Variants in DOCK4 observed in about 807,000 individuals in gnomAD.
DOCK4 encodes the protein dedicator of cytokinesis 4.
A neutral mutation model predicts 268.1 loss-of-function variants in DOCK4; 97 were observed. That is an observed-to-expected ratio of 0.36 (90% CI 0.31 to 0.43). The LOEUF (loss-of-function observed/expected upper bound fraction) is 0.43, where lower values mean the gene tolerates loss of function less well. Ranked by LOEUF, DOCK4 falls within the 20% of genes least tolerant of loss-of-function variation. The pLI, the probability that DOCK4 is intolerant of heterozygous loss-of-function variation, is 1.00. For missense variants in DOCK4, 2,145 were observed against 2,455.7 expected (o/e 0.87, Z 2.67); for synonymous variants, 954 against 887.2 (o/e 1.08, Z -1.34).
At chr7:112,018,163 A>AC (rs1562997088) in intron 1 of DOCK4, among the ~76,000 whole-genome samples, 4 of 141,270 alleles carry the variant, frequency 2.8e-5, no homozygotes, top group African/African-American at 1.1e-4. Flanking sequence ...AAAAAAAAAA[A>AC]AAAAAAAAAA....
At chr7:111,732,344 C>T (rs1384807866) in intron 51 of DOCK4, 57 bp from the exon 52 acceptor site, 1 of 1,563,454 alleles carries the variant, frequency 6.4e-7, no homozygotes, top group East Asian at 2.2e-5. Context: ...GATTGACTAT[C>T]TGCACATGCC....
chr7:112,008,347 C>T (rs148000049), intron 1 of DOCK4, among the ~76,000 whole-genome samples: 15 of 152,282 alleles, frequency 9.9e-5, no homozygotes, highest in African/African-American at 2.9e-4. Flanking sequence ...TATCTGTCAG[C>T]TGAAAACACT....
At chr7:112,160,053 G>A (rs902431181) in intron 1 of DOCK4, among the ~76,000 whole-genome samples, 1 of 151,888 alleles carries the variant, frequency 6.6e-6, no homozygotes, top group African/African-American at 2.4e-5. Context: ...TAAATATAAT[G>A]CAAATATTTA....
At chr7:112,079,523 C>T (rs974887578) in intron 1 of DOCK4, among the ~76,000 whole-genome samples, 2 of 152,080 alleles carry the variant, frequency 1.3e-5, no homozygotes, top group Non-Finnish European at 2.9e-5. Context: ...TTGGCCATAA[C>T]ATATTTCAGG....
chr7:111,973,465 G>A (rs181197799), intron 8 of DOCK4, among the ~76,000 whole-genome samples: 1 of 152,146 alleles, frequency 6.6e-6, no homozygotes, highest in East Asian at 1.9e-4. Flanking sequence ...TGACACATAA[G>A]TTGCAGGAAT....
intron 37 of DOCK4, among the ~76,000 whole-genome samples, chr7:111,769,237 G>C (rs78067374): frequency 0.026 from 3,895 of 152,290 alleles, 150 homozygotes; most frequent in African/African-American, 0.084. Flanking sequence ...GTAATGAAAA[G>C]GTCATGCACA....
chr7:112,206,092 G>A lies in DOCK4; in HGVS notation c.37+10C>T. On this transcript the variant is annotated intron_variant, in intron 1 of 52. Transcript: ENST00000428084. Reference sequence around the variant, plus strand: ...AGAGCAGAATAAAAGTTCGCCCCGCGGAGACTCACCCACGCCGTATTTCTC... The same window carrying A: ...AGAGCAGAATAAAAGTTCGCCCCGCAGAGACTCACCCACGCCGTATTTCTC... 2 of 1,578,146 alleles carry A rather than the reference G, an allele frequency of 1.3e-6. No homozygotes were observed. The highest frequency in any genetic ancestry group is 1.2e-5 in the South Asian group (1 of 86,284).
At chr7:112,066,733 A>C (rs1450563713) in intron 1 of DOCK4, among the ~76,000 whole-genome samples, 3 of 85,374 alleles carry the variant, frequency 3.5e-5, no homozygotes, top group Non-Finnish European at 7.1e-5. Flanking sequence ...ATATATATAT[A>C]TATATATATC....
intron 1 of DOCK4, among the ~76,000 whole-genome samples, chr7:112,141,166 A>C (rs1814891111): frequency 6.6e-6 from 1 of 152,174 alleles, no homozygotes; most frequent in African/African-American, 2.4e-5. Flanking sequence ...TTAATTGCAA[A>C]GCTCAGAAGT....
At position 111,977,233 on chromosome 7, in the gene DOCK4, G is replaced by A. The variant is rs757957212; in HGVS notation, c.600C>T (p.His200=). ...GGCTCTTCATCTGGACAAAGAGGTG[G>A]TGACTGCTGGCCTGCACCGGGGTGT... ...KKDTPVQASS[H]HLFVQMKSLM... The change falls in exon 8 of 53, where the codon CAC becomes CAT. Residue 200 remains histidine (H), a synonymous_variant. Transcript: ENST00000428084. 35 of 1,610,590 alleles carry A rather than the reference G, an allele frequency of 2.2e-5. No homozygotes were observed. Among genetic ancestry groups the A allele is most frequent in the Non-Finnish European group, 3.0e-5 (35 of 1,178,432 alleles).
At chr7:112,035,984 A>G (rs1803719743) in intron 1 of DOCK4, among the ~76,000 whole-genome samples, 1 of 152,166 alleles carries the variant, frequency 6.6e-6, no homozygotes. Flanking sequence ...AGTATCAAAT[A>G]TAAAAAGGAA....
intron 1 of DOCK4, among the ~76,000 whole-genome samples, chr7:112,071,745 C>A (rs1221186966): frequency 1.3e-5 from 2 of 152,106 alleles, no homozygotes; most frequent in Non-Finnish European, 2.9e-5. Context: ...ATTTGGATGT[C>A]CTTGCCTTAG....
chr7:112,080,957 T>A (rs1326661006), intron 1 of DOCK4, among the ~76,000 whole-genome samples: 1 of 152,164 alleles, frequency 6.6e-6, no homozygotes, highest in African/African-American at 2.4e-5. Context: ...CTTAAATAAT[T>A]GTTCCATCTG....
At chr7:112,118,891 C>T (rs1280142725) in intron 1 of DOCK4, among the ~76,000 whole-genome samples, 3 of 152,202 alleles carry the variant, frequency 2.0e-5, no homozygotes, top group Admixed American at 6.5e-5. Flanking sequence ...AGACTCAAAA[C>T]TTCATTTTTC....
intron 1 of DOCK4, among the ~76,000 whole-genome samples, chr7:112,072,822 A>G (rs1484824955): frequency 6.6e-6 from 1 of 152,186 alleles, no homozygotes; most frequent in Non-Finnish European, 1.5e-5. Flanking sequence ...AAGAGGTAAA[A>G]TGGCGGAGCT....
Position 112,049,126 on chromosome 7 carries a change from A to AT in DOCK4, c.38-44996dup, listed in dbSNP as rs924447937. On this transcript the variant is annotated intron_variant, in intron 1 of 52. Transcript: ENST00000428084. The stretch of plus-strand genomic sequence containing the variant: ...AGAAGTCGTAATTACATGGGTAAAT[A>AT]TTTTTTTTTGAATTTGCTATTATTT... Among the ~76,000 whole-genome samples the AT allele has an allele frequency of 1.5e-4, 23 of 151,664 alleles. No homozygotes were observed. In the South Asian group the frequency reaches 2.9e-3, roughly 19 times the overall value.
intron 23 of DOCK4, among the ~76,000 whole-genome samples, chr7:111,848,786 AC>A (rs907756546): frequency 1.3e-5 from 2 of 150,912 alleles, no homozygotes; most frequent in Non-Finnish European, 3.0e-5. Context: ...AAAAGGAAAA[AC>A]CCCCCTCTCC....
intron 32 of DOCK4, among the ~76,000 whole-genome samples, chr7:111,785,235 C>T (rs73434223): frequency 0.056 from 8,452 of 152,118 alleles, 748 homozygotes; most frequent in African/African-American, 0.19. Flanking sequence ...AGCGAAGGTC[C>T]CCTAGTTTGT....
intron 1 of DOCK4, among the ~76,000 whole-genome samples, chr7:112,147,868 A>C (rs1815669987): frequency 7.1e-6 from 1 of 139,934 alleles, no homozygotes. Context: ...GAAAGCTTGA[A>C]TTTAATTACT....
Sources: allele counts gnomAD v4.1 joint callset (sites outside exome capture counted in the v4.1 genomes callset), GRCh38; gene constraint gnomAD v4.1.1; transcripts MANE v1.5; gene names NCBI Gene and HGNC (gene_info 2026-07-23, HGNC 2026-07-21).